SUPT6H: variants seen among roughly 807,000 people sequenced by gnomAD.
SUPT6H encodes transcription elongation factor SPT6.
A neutral mutation model predicts 222.3 loss-of-function variants in SUPT6H; 11 were observed. The observed-to-expected ratio is 0.05, with a 90% CI of 0.03 to 0.08. SUPT6H has a LOEUF of 0.08. Among genes scored for constraint, SUPT6H ranks in the 10% least tolerant of loss-of-function variants. The pLI, the probability that SUPT6H is intolerant of heterozygous loss-of-function variation, is 1.00. For synonymous variants in SUPT6H, 762 were observed against 801.2 expected (o/e 0.95, Z 0.83); for missense variants, 1,422 against 2,216.0 (o/e 0.64, Z 7.19).
At chr17:28,693,048 T>C (rs940531871) in intron 27 of SUPT6H, among the ~76,000 whole-genome samples, 4 of 149,900 alleles carry the variant, frequency 2.7e-5, no homozygotes, top group Non-Finnish European at 4.4e-5. Flanking sequence ...CGTGCGCTTA[T>C]AGTCCCAGCT....
At chr17:28,700,715 C>A (rs1386681508) in intron 35 of SUPT6H, 3 of 940,528 alleles carry the variant, frequency 3.2e-6, no homozygotes, top group African/African-American at 1.7e-5. Context: ...CCTTTGGGAT[C>A]TTTGGAACCC....
chr17:28,699,495 G>A (rs72847536), intron 32 of SUPT6H, among the ~76,000 whole-genome samples: 3,247 of 152,222 alleles, frequency 0.021, 52 homozygotes, highest in Non-Finnish European at 0.03. Flanking sequence ...TCACTTCACC[G>A]GCAGTATCCT....
At chr17:28,675,887 C>T (rs1479983527) in intron 6 of SUPT6H, among the ~76,000 whole-genome samples, 1 of 152,228 alleles carries the variant, frequency 6.6e-6, no homozygotes, top group Non-Finnish European at 1.5e-5. Flanking sequence ...GATGGGTCCA[C>T]TGAGCAAGAC....
At chr17:28,701,171 G>A (rs2032114666) in intron 36 of SUPT6H, 43 bp downstream of exon 36, 3 of 1,563,266 alleles carry the variant, frequency 1.9e-6, no homozygotes, top group Non-Finnish European at 2.6e-6. Context: ...AGTGGTAGGG[G>A]CAGGTGTTGT....
At position 28,667,209 on chromosome 17, in the gene SUPT6H, C is replaced by CAA. The variant is rs55712354; in HGVS notation, c.-32+4879_-32+4880dup. 3.6e-3 allele frequency among the ~76,000 whole-genome samples: 476 copies of CAA among 132,332 alleles called. 3 individuals are homozygous for CAA. The highest frequency in any genetic ancestry group is 0.02 in the East Asian group (93 of 4,544). The allele number at this position is 132,332 out of a possible 152,430, so 86.8% of individuals were successfully genotyped here. A position where few individuals can be genotyped will look rare whatever the true frequency, so the allele number is the denominator to read the frequency against. On this transcript the variant is annotated intron_variant, in intron 1 of 36. Coordinates refer to ENST00000314616, the MANE Select transcript of SUPT6H (RefSeq NM_003170.5). Reference sequence around the variant, plus strand: ...TGAAACCCCGTCTCTACTAAAAATACAAAAAAAAAAAAATAGCTGGGCGTG... The same window carrying CAA: ...TGAAACCCCGTCTCTACTAAAAATACAAAAAAAAAAAAAAATAGCTGGGCGTG...
At chr17:28,687,851 A>G (rs144430982) in intron 23 of SUPT6H, among the ~76,000 whole-genome samples, 32 of 151,754 alleles carry the variant, frequency 2.1e-4, no homozygotes, top group African/African-American at 4.8e-4. Flanking sequence ...TAAGCCATAC[A>G]TTAGTTGTAT....
rs372916114 is a variant in SUPT6H, at chr17:28,686,648, C to T, written c.2565-6C>T. The T allele has an allele frequency of 6.3e-7, 1 of 1,588,558 alleles. No individual in the cohort carries two copies. The highest frequency in any genetic ancestry group is 8.6e-7 in the Non-Finnish European group (1 of 1,168,990). On this transcript the variant is annotated splice_polypyrimidine_tract_variant and splice_region_variant and intron_variant, in intron 20 of 36. Transcript: ENST00000314616. The stretch of plus-strand genomic sequence containing the variant: ...CATATTCATTGACCAACACTCATCC[C>T]ACCAGGGACGCCCAGATGTTGATTG...
Position 28,676,383 on chromosome 17 carries a change from G to C in SUPT6H, c.850G>C (p.Asp284His). The part of the protein sequence containing the change: ...PSELESSHLT[D>H]QDNEIRATDL... ...TGAGCTAGAAAGCAGCCACCTCACA[G>C]ATCAGGACAATGAAATCCGAGCCAC... Residue 284 changes from aspartate (D) to histidine (H), a missense_variant, in exon 7 of 37, where the codon GAT (aspartate) becomes CAT (histidine). Asp to His is a moderately conservative substitution (Grantham distance 81, BLOSUM62 -1). Transcript: ENST00000314616. The C allele has an allele frequency of 6.2e-7, 1 of 1,613,816 alleles. No homozygotes were observed.
rs766196095 is a variant in SUPT6H, at chr17:28,700,174, C to T, written c.4563C>T (p.Gly1521=). The change falls in exon 34 of 37, where the codon GGC becomes GGT. Residue 1521 remains glycine, a splice_region_variant and synonymous_variant. Transcript: ENST00000314616. ...FKDHYQDPVP[G]ITPSSSSRTR... ...TAACTAAATAATCACTTCCTGCAGGCATCACCCCTAGCAGCAGCAGCAGGA... is the reference window on the plus strand; with the variant it reads ...TAACTAAATAATCACTTCCTGCAGGTATCACCCCTAGCAGCAGCAGCAGGA... 6 of 1,614,214 alleles carry T rather than the reference C, an allele frequency of 3.7e-6. No homozygotes were observed. In the South Asian group the frequency reaches 6.6e-5, roughly 18 times the overall value.
intron 33 of SUPT6H, 63 bp from the exon 34 acceptor site, chr17:28,700,110 C>T: frequency 6.2e-7 from 1 of 1,609,496 alleles, no homozygotes; most frequent in Non-Finnish European, 8.5e-7. Flanking sequence ...CCTTCCACCC[C>T]CTGAATTGGG....
chr17:28,697,888 C>G lies in SUPT6H; in HGVS notation c.4324-18C>G, dbSNP rs770689399. 6.8e-6 allele frequency: 11 copies of G among 1,613,160 alleles called. No homozygotes were observed. The highest frequency in any genetic ancestry group is 1.3e-5 in the African/African-American group (1 of 75,004). On this transcript the variant is annotated intron_variant, in intron 31 of 36. Transcript: ENST00000314616. ...AGCATGCTGCTATCCCAACCTCTCC[C>G]CCTCATTCTACCCCCAGAAATTAGA...
At chr17:28,693,544 C>A in intron 27 of SUPT6H, 152 bp from the exon 28 acceptor site, 1 of 883,662 alleles carries the variant, frequency 1.1e-6, no homozygotes, top group Non-Finnish European at 1.7e-6. Context: ...TGGTCAAATT[C>A]TGTCTTGGCA....
At position 28,675,035 on chromosome 17, in the gene SUPT6H, G is replaced by A. The variant is rs1358411896; in HGVS notation, c.411G>A (p.Lys137=). ...ACGATGACGAGGAGGAATATGGCAA[G>A]GAGGAACATGAAAAAGAAGCTATTG... The part of the protein sequence containing the change: ...DEDDDEEEYG[K]EEHEKEAIAE... The change falls in exon 5 of 37, where the codon AAG becomes AAA. Residue 137 remains lysine (K), a synonymous_variant. Coordinates refer to ENST00000314616, the MANE Select transcript of SUPT6H (RefSeq NM_003170.5). 1 of 1,614,188 alleles carries A rather than the reference G, an allele frequency of 6.2e-7. No individual in the cohort carries two copies. Among genetic ancestry groups the A allele is most frequent in the South Asian group, 1.1e-5 (1 of 91,088 alleles).
chr17:28,681,126 A>G, intron 11 of SUPT6H, 130 bp from the exon 12 acceptor site: 1 of 910,016 alleles, frequency 1.1e-6, no homozygotes, highest in Non-Finnish European at 1.7e-6. Flanking sequence ...AGTAATAATA[A>G]TTGGAAAAAA....
At chr17:28,664,087 A>G (rs1455726653) in intron 1 of SUPT6H, among the ~76,000 whole-genome samples, 2 of 151,812 alleles carry the variant, frequency 1.3e-5, no homozygotes, top group African/African-American at 4.8e-5. Flanking sequence ...GCAATATTCA[A>G]CATAGTTACT....
intron 6 of SUPT6H, among the ~76,000 whole-genome samples, chr17:28,675,803 G>A (rs948641398): frequency 6.6e-6 from 1 of 152,134 alleles, no homozygotes; most frequent in Non-Finnish European, 1.5e-5. Context: ...TTTGTTGGAA[G>A]ACAAATGCCC....
rs1385644608 is a variant in SUPT6H, at chr17:28,675,118, C to T, written c.494C>T (p.Pro165Leu). 6.2e-7 allele frequency: 1 copy of T among 1,613,642 alleles called. No individual in the cohort carries two copies. Among genetic ancestry groups the T allele is most frequent in the Non-Finnish European group, 8.5e-7 (1 of 1,179,892 alleles). Reference sequence around the variant, plus strand: ...GAAGGGCAGGAGGCCATGGAGGCCCCCATGGCTCCTCCAGAGGAGGAGGAA... The same window carrying T: ...GAAGGGCAGGAGGCCATGGAGGCCCTCATGGCTCCTCCAGAGGAGGAGGAA... Reference protein sequence around the residue: ...GEEGQEAMEAPMAPPEEEEED... With the variant: ...GEEGQEAMEALMAPPEEEEED... Residue 165 changes from proline (P) to leucine (L), a missense_variant, in exon 5 of 37, where the codon CCC becomes CTC. Physicochemically the swap from Pro to Leu is moderately conservative, Grantham distance 98 (BLOSUM62 -3). Transcript: ENST00000314616.
intron 1 of SUPT6H, among the ~76,000 whole-genome samples, chr17:28,665,953 T>A (rs2029986416): frequency 6.6e-6 from 1 of 152,132 alleles, no homozygotes. Flanking sequence ...GCAAGTAGAT[T>A]AAGTTCAGTT....
At chr17:28,696,626 C>T (rs1410478462) in intron 29 of SUPT6H, among the ~76,000 whole-genome samples, 7 of 150,376 alleles carry the variant, frequency 4.7e-5, no homozygotes, top group African/African-American at 2.5e-5. Context: ...TGATGTGCAC[C>T]GGTGTATTCC....
Sources: gnomAD v4.1 joint callset for allele counts (sites outside exome capture counted in the v4.1 genomes callset) on GRCh38, gnomAD v4.1.1 for gene constraint, MANE v1.5 for transcripts, NCBI Gene and HGNC (gene_info 2026-07-23, HGNC 2026-07-21) for gene names.